The following FOCAD variants were observed in gnomAD, a reference collection of about 807,000 sequenced individuals.
FOCAD encodes the protein focadhesin.
Under a neutral mutation model 225.6 loss-of-function variants are expected in FOCAD, and 198 were observed. The observed-to-expected ratio is 0.88, with a 90% confidence interval of 0.78 to 0.99. The LOEUF (loss-of-function observed/expected upper bound fraction) is 0.99. FOCAD is among the 50% of genes least tolerant of loss of function. FOCAD has a pLI of 0.00. For missense variants in FOCAD, 2,713 were observed against 2,123.6 expected (o/e 1.28, Z -5.46); for synonymous variants, 897 against 755.0 (o/e 1.19, Z -3.08).
At chr9:20,779,837 G>A (rs1010792204) in intron 9 of FOCAD, among the ~76,000 whole-genome samples, 1 of 152,058 alleles carries the variant, frequency 6.6e-6, no homozygotes, top group Non-Finnish European at 1.5e-5. Flanking sequence ...GGAGTGAATT[G>A]CTCTTTCACC....
chr9:20,784,146 T>C (rs1166718268), intron 10 of FOCAD, among the ~76,000 whole-genome samples: 1 of 152,174 alleles, frequency 6.6e-6, no homozygotes, highest in African/African-American at 2.4e-5. Context: ...AGGCTAGAAC[T>C]GGTCCACAGG....
intron 15 of FOCAD, among the ~76,000 whole-genome samples, chr9:20,862,088 C>A (rs1219927909): frequency 6.6e-6 from 1 of 151,962 alleles, no homozygotes; most frequent in African/African-American, 2.4e-5. Flanking sequence ...CTCTGAAAAG[C>A]TTGTAAGGTG....
At position 20,981,477 on chromosome 9, in the gene FOCAD, A is replaced by G. The variant is rs776093412; in HGVS notation, c.4429A>G (p.Ile1477Val). Residue 1477 changes from isoleucine (I) to valine (V), a missense_variant, in exon 38 of 44, where the codon ATC becomes GTC. Transcript: ENST00000338382. ...LISAPLWIKH[I>V]SDEQILGFVE... ...ATCTGCACCTCTGTGGATAAAACAC[A>G]TCTCTGATGAACAGATCCTGGGTTT... 242 of 1,614,048 alleles carry G rather than the reference A, an allele frequency of 1.5e-4. No homozygotes were observed. In the East Asian group the frequency reaches 4.4e-3, roughly 29 times the overall value.
At chr9:20,724,685 T>C (rs1367209631) in intron 4 of FOCAD, among the ~76,000 whole-genome samples, 6 of 152,060 alleles carry the variant, frequency 3.9e-5, no homozygotes, top group Admixed American at 3.3e-4. Flanking sequence ...AGCAGAACTT[T>C]GCGGTGTGTA....
At chr9:20,827,573 C>T (rs769830111) in intron 15 of FOCAD, among the ~76,000 whole-genome samples, 4 of 151,580 alleles carry the variant, frequency 2.6e-5, no homozygotes, top group Non-Finnish European at 4.4e-5. Context: ...AAAAGGAGAT[C>T]CTGCCATTTG....
intron 2 of FOCAD, among the ~76,000 whole-genome samples, chr9:20,663,388 T>A (rs1463899179): frequency 6.6e-6 from 1 of 151,464 alleles, no homozygotes; most frequent in Non-Finnish European, 1.5e-5. Flanking sequence ...ATAAATAATA[T>A]AAAAAATTAA....
chr9:20,979,981 C>T (rs1313854812), intron 37 of FOCAD, among the ~76,000 whole-genome samples: 1 of 152,042 alleles, frequency 6.6e-6, no homozygotes, highest in Non-Finnish European at 1.5e-5. Flanking sequence ...CAATCATCAC[C>T]AAGAATATTT....
chr9:20,994,128 T>C (rs1436422416), intron 43 of FOCAD, among the ~76,000 whole-genome samples: 2 of 152,352 alleles, frequency 1.3e-5, no homozygotes, highest in South Asian at 2.1e-4. Context: ...GCTTTATAAG[T>C]AGTGTTTTTA....
At chr9:20,786,792 T>C (rs1248234458) in intron 10 of FOCAD, 1 of 158,646 alleles carries the variant, frequency 6.3e-6, no homozygotes, top group East Asian at 1.8e-4. Context: ...TTTCTACCTG[T>C]AAAAGATGTC....
intron 7 of FOCAD, among the ~76,000 whole-genome samples, chr9:20,766,622 TC>T (rs947453636): frequency 3.9e-5 from 6 of 152,084 alleles, no homozygotes; most frequent in African/African-American, 1.4e-4. Flanking sequence ...CTCCCTTCTT[TC>T]CTTCCCGTTT....
chr9:20,965,404 A>C (rs1839168653), intron 35 of FOCAD, among the ~76,000 whole-genome samples: 1 of 152,156 alleles, frequency 6.6e-6, no homozygotes. Context: ...GAACAGAAAG[A>C]TATCAGGCGC....
chr9:20,931,907 A>C (rs932143973), intron 27 of FOCAD, among the ~76,000 whole-genome samples: 1 of 151,614 alleles, frequency 6.6e-6, no homozygotes, highest in Admixed American at 6.6e-5. Flanking sequence ...TATCTCAAAA[A>C]AAAAAAAAAA....
At chr9:20,744,117 C>G (rs1827848528) in intron 5 of FOCAD, among the ~76,000 whole-genome samples, 1 of 152,122 alleles carries the variant, frequency 6.6e-6, no homozygotes, top group Non-Finnish European at 1.5e-5. Flanking sequence ...AATTCCATGG[C>G]CCCAACACAT....
chr9:20,839,371 G>T (rs1826291497), intron 15 of FOCAD, among the ~76,000 whole-genome samples: 1 of 149,746 alleles, frequency 6.7e-6, no homozygotes, highest in South Asian at 2.1e-4. Flanking sequence ...CTATCCTTCT[G>T]CTTCACCCTT....
intron 2 of FOCAD, among the ~76,000 whole-genome samples, chr9:20,671,471 T>A: frequency 6.8e-6 from 1 of 147,352 alleles, no homozygotes; most frequent in East Asian, 1.9e-4. Flanking sequence ...GCAGGAGGAT[T>A]TGAGCAGCCA....
intron 15 of FOCAD, among the ~76,000 whole-genome samples, chr9:20,825,935 G>T (rs1824842717): frequency 6.6e-6 from 1 of 152,042 alleles, no homozygotes; most frequent in African/African-American, 2.4e-5. Flanking sequence ...TAGGAATCTT[G>T]GCTGACCATA....
At chr9:20,742,025 A>T (rs1464310773) in intron 5 of FOCAD, among the ~76,000 whole-genome samples, 1 of 152,186 alleles carries the variant, frequency 6.6e-6, no homozygotes, top group African/African-American at 2.4e-5. Flanking sequence ...CTTTTACTCC[A>T]TTCACAAAGT....
chr9:20,993,630 T>A (rs1045539895), intron 43 of FOCAD, among the ~76,000 whole-genome samples: 10 of 152,216 alleles, frequency 6.6e-5, no homozygotes, highest in African/African-American at 2.4e-4. Context: ...TGAATCAAGG[T>A]ACTTGGTGTT....
At chr9:20,753,768 C>T (rs867537110) in intron 5 of FOCAD, among the ~76,000 whole-genome samples, 4 of 151,836 alleles carry the variant, frequency 2.6e-5, no homozygotes, top group South Asian at 4.2e-4. Flanking sequence ...TGATAGTGTT[C>T]TGTAGCCACT....
Sources: allele counts gnomAD v4.1 joint callset (sites outside exome capture counted in the v4.1 genomes callset), GRCh38; gene constraint gnomAD v4.1.1; transcripts MANE v1.5; gene names NCBI Gene and HGNC (gene_info 2026-07-23, HGNC 2026-07-21).